The following RIMS2 variants were observed in gnomAD, a reference collection of about 807,000 sequenced individuals.
RIMS2 encodes regulating synaptic membrane exocytosis protein 2.
RIMS2 carries 59 observed loss-of-function variants against 174.4 expected under a neutral mutation model. That is an observed-to-expected ratio of 0.34 (90% CI 0.27 to 0.42). The LOEUF (loss-of-function observed/expected upper bound fraction) is 0.42. Ranked by LOEUF, RIMS2 falls within the 10% of genes least tolerant of loss-of-function variation. RIMS2 has a pLI of 1.00. For synonymous variants in RIMS2, 606 were observed against 572.5 expected, an observed-to-expected ratio of 1.06 and a Z score of -0.84; for missense variants, 1,620 against 1,666.3, an observed-to-expected ratio of 0.97 and a Z score of 0.48.
intron 3 of RIMS2, among the ~76,000 whole-genome samples, chr8:103,818,059 C>T (rs1056229190): frequency 6.6e-6 from 1 of 151,590 alleles, no homozygotes; most frequent in Non-Finnish European, 1.5e-5. Flanking sequence ...TGAGAAGAAA[C>T]CCATAATTGA....
chr8:103,621,411 G>C (rs942454577), intron 1 of RIMS2, among the ~76,000 whole-genome samples: 1 of 152,220 alleles, frequency 6.6e-6, no homozygotes, highest in Non-Finnish European at 1.5e-5. Flanking sequence ...GGAGAACAAA[G>C]GAAGGAGGAA....
At chr8:103,953,962 T>C (rs1280255325) in intron 14 of RIMS2, among the ~76,000 whole-genome samples, 1 of 151,972 alleles carries the variant, frequency 6.6e-6, no homozygotes, top group Non-Finnish European at 1.5e-5. Flanking sequence ...TCCTAGTCTC[T>C]GATGAAACAG....
chr8:103,886,339 CTT>C, intron 4 of RIMS2, 116 bp downstream of exon 7: 2 of 831,094 alleles, frequency 2.4e-6, no homozygotes, highest in South Asian at 1.9e-5. Context: ...TTTTAAAAGT[CTT>C]TTAATGGCAT....
intron 19 of RIMS2, among the ~76,000 whole-genome samples, chr8:104,060,436 T>C (rs1458383433): frequency 1.3e-4 from 20 of 150,988 alleles, no homozygotes; most frequent in Admixed American, 2.0e-4. Flanking sequence ...TCATTTTTAT[T>C]GCGTCTATTT....
chr8:104,011,635 A>G (rs1037331220), intron 17 of RIMS2, among the ~76,000 whole-genome samples: 4 of 152,072 alleles, frequency 2.6e-5, no homozygotes, highest in African/African-American at 7.2e-5. Context: ...CATTTACTCC[A>G]CTTTCCACTT....
intron 19 of RIMS2, among the ~76,000 whole-genome samples, chr8:104,209,514 C>G (rs1025087428): frequency 6.6e-6 from 1 of 152,198 alleles, no homozygotes; most frequent in Non-Finnish European, 1.5e-5. Flanking sequence ...TCACCTCCCA[C>G]CACTCCCTTA....
chr8:103,941,995 A>T (rs1161451162), intron 13 of RIMS2, among the ~76,000 whole-genome samples: 1 of 151,986 alleles, frequency 6.6e-6, no homozygotes, highest in East Asian at 1.9e-4. Flanking sequence ...GTAAGAGTTA[A>T]TTTTTTTTAA....
intron 2 of RIMS2, among the ~76,000 whole-genome samples, chr8:103,711,390 A>G (rs1280018461): frequency 1.3e-5 from 2 of 152,158 alleles, no homozygotes; most frequent in African/African-American, 2.4e-5. Context: ...TGCCTCTTCT[A>G]TTGTTTTTAG....
intron 4 of RIMS2, among the ~76,000 whole-genome samples, chr8:103,902,423 T>C (rs942192963): frequency 1.3e-5 from 2 of 152,158 alleles, no homozygotes; most frequent in African/African-American, 2.4e-5. Context: ...GTGACTCATA[T>C]ACAAAGCCAT....
chr8:104,203,494 C>CT (rs10545100), intron 19 of RIMS2, among the ~76,000 whole-genome samples: 1,828 of 72,516 alleles, frequency 0.025, 53 homozygotes, highest in East Asian at 0.08. Flanking sequence ...AGACACTGTA[C>CT]TTTTTTTTTT....
At chr8:103,793,900 G>C (rs571858629) in intron 3 of RIMS2, among the ~76,000 whole-genome samples, 12 of 152,212 alleles carry the variant, frequency 7.9e-5, no homozygotes, top group Admixed American at 5.9e-4. Flanking sequence ...TCTTCAAGGA[G>C]AACTACAAAC....
chr8:103,549,446 A>C (rs891161458), intron 1 of RIMS2, among the ~76,000 whole-genome samples: 3 of 152,136 alleles, frequency 2.0e-5, no homozygotes, highest in African/African-American at 7.2e-5. Context: ...CACCAGGCCT[A>C]CCTTACAAGA....
intron 1 of RIMS2, among the ~76,000 whole-genome samples, chr8:103,679,448 CT>C (rs1377213621): frequency 6.6e-6 from 1 of 151,888 alleles, no homozygotes; most frequent in African/African-American, 2.4e-5. Flanking sequence ...AGTAAACAAA[CT>C]TTTTAAAAGA....
exon 4 of RIMS2, chr8:103,886,041 A>T: frequency 6.2e-7 from 1 of 1,613,088 alleles, no homozygotes; most frequent in Non-Finnish European, 8.5e-7. Flanking sequence ...TTAAGGAATG[A>T]TTCTCTCAGT....
chr8:104,221,775 G>C (rs1263609718), intron 19 of RIMS2, among the ~76,000 whole-genome samples: 1 of 152,126 alleles, frequency 6.6e-6, no homozygotes, highest in African/African-American at 2.4e-5. Context: ...GTATTTAAAA[G>C]GATTATTACT....
chr8:104,213,851 TGG>T (rs1299137691), intron 19 of RIMS2, among the ~76,000 whole-genome samples: 1 of 146,740 alleles, frequency 6.8e-6, no homozygotes, highest in Non-Finnish European at 1.5e-5. Flanking sequence ...TACTCCAGCC[TGG>T]TGACAGAGCG....
intron 1 of RIMS2, chr8:103,568,455 A>G (rs567416393): frequency 8.1e-5 from 17 of 209,798 alleles, no homozygotes; most frequent in African/African-American, 3.7e-4. Flanking sequence ...TGTTTCTGTA[A>G]CTGTTGGTAA....
chr8:103,942,026 TGTGGAGGTTTGTTACA>T (rs1322754335), intron 13 of RIMS2, among the ~76,000 whole-genome samples: 4 of 152,198 alleles, frequency 2.6e-5, no homozygotes, highest in Non-Finnish European at 5.9e-5. Context: ...CAGGGATACA[TGTGGAGGTTTGTTACA>T]TGGGTAAACA....
chr8:103,591,604 G>A (rs1260848651), intron 1 of RIMS2, among the ~76,000 whole-genome samples: 1 of 151,064 alleles, frequency 6.6e-6, no homozygotes, highest in Admixed American at 6.6e-5. Flanking sequence ...AGTGAGGGTT[G>A]ACATTCCTTT....
Sources: gnomAD v4.1 joint callset for allele counts (sites outside exome capture counted in the v4.1 genomes callset) on GRCh38, gnomAD v4.1.1 for gene constraint, MANE v1.5 for transcripts, NCBI Gene and HGNC (gene_info 2026-07-23, HGNC 2026-07-21) for gene names.